GATA4: variants seen among roughly 807,000 people sequenced by gnomAD.
GATA4 encodes the protein GATA binding protein 4.
Under a neutral mutation model 37.9 loss-of-function variants are expected in GATA4, and 7 were observed. The ratio of observed to expected loss-of-function variants is 0.18; its 90% CI spans 0.11 to 0.35. GATA4 has a LOEUF of 0.35. GATA4 is among the 10% of genes least tolerant of loss of function. GATA4 has a pLI of 1.00. For missense variants in GATA4, 647 were observed against 653.0 expected (o/e 0.99, Z 0.10); for synonymous variants, 372 against 292.6 (o/e 1.27, Z -2.77).
At chr8:11,724,129 AG>A (rs1362233351) in intron 2 of GATA4, among the ~76,000 whole-genome samples, 1 of 152,132 alleles carries the variant, frequency 6.6e-6, no homozygotes, top group Admixed American at 6.5e-5. Context: ...GTAGCATGTC[AG>A]AATGCAGCAT....
At chr8:11,679,872 G>A (rs1263013784) in intron 1 of GATA4, among the ~76,000 whole-genome samples, 2 of 152,224 alleles carry the variant, frequency 1.3e-5, no homozygotes, top group East Asian at 1.9e-4. Flanking sequence ...ATGAGGAAGA[G>A]GGTAACAGTA....
At chr8:11,690,861 A>T (rs1161685377), upstream of GATA4, among the ~76,000 whole-genome samples, 1 of 152,190 alleles carries the variant, frequency 6.6e-6, no homozygotes, top group Non-Finnish European at 1.5e-5. Flanking sequence ...AAAGGGAAAC[A>T]CCCTGTCTGT....
At chr8:11,755,578 C>T (rs1312765615) in intron 5 of GATA4, among the ~76,000 whole-genome samples, 1 of 152,188 alleles carries the variant, frequency 6.6e-6, no homozygotes, top group African/African-American at 2.4e-5. Context: ...TAATTAACAT[C>T]ATGCAGTGCT....
intron 2 of GATA4, among the ~76,000 whole-genome samples, chr8:11,748,230 A>C (rs1458164151): frequency 6.6e-6 from 1 of 151,966 alleles, no homozygotes; most frequent in African/African-American, 2.4e-5. Flanking sequence ...AAAAGAGAAA[A>C]GAAGTCTCAC....
At position 11,758,817 on chromosome 8, in the gene GATA4, G is replaced by C. The variant is rs1802738886; in HGVS notation, c.*342G>C. ...TTTTGCATTGTGTTTCTAGCACCGAGGATCTGAGAACAAGCGGAGGGCCGG... is the reference window on the plus strand; with the variant it reads ...TTTTGCATTGTGTTTCTAGCACCGACGATCTGAGAACAAGCGGAGGGCCGG... On this transcript the variant is annotated 3_prime_UTR_variant, in exon 7 of 7. Coordinates refer to ENST00000532059, the MANE Select transcript of GATA4 (RefSeq NM_001308093.3). 3.3e-5 allele frequency: 12 copies of C among 368,422 alleles called. No homozygotes were observed. Among genetic ancestry groups the C allele is most frequent in the South Asian group, 2.8e-4 (12 of 42,346 alleles). 22.8% of individuals were successfully genotyped at this position (368,422 alleles called of 1,614,324 possible). A position where few individuals can be genotyped will look rare whatever the true frequency, so the allele number is the denominator to read the frequency against.
intron 2 of GATA4, among the ~76,000 whole-genome samples, chr8:11,743,752 G>T (rs1289088452): frequency 6.6e-6 from 1 of 152,232 alleles, no homozygotes; most frequent in Non-Finnish European, 1.5e-5. Flanking sequence ...GAAGTCAGGG[G>T]TGGGATGTTT....
At chr8:11,724,478 A>G (rs1183800290) in intron 2 of GATA4, among the ~76,000 whole-genome samples, 1 of 152,088 alleles carries the variant, frequency 6.6e-6, no homozygotes, top group Non-Finnish European at 1.5e-5. Context: ...AACATCTCCA[A>G]CGTAATTCTT....
At chr8:11,713,257 T>G (rs1213598901) in intron 2 of GATA4, among the ~76,000 whole-genome samples, 1 of 152,224 alleles carries the variant, frequency 6.6e-6, no homozygotes, top group Non-Finnish European at 1.5e-5. Context: ...AAGTTCCATA[T>G]GAGCTACGAC....
At chr8:11,716,515 A>G (rs1800438515) in intron 2 of GATA4, among the ~76,000 whole-genome samples, 1 of 152,154 alleles carries the variant, frequency 6.6e-6, no homozygotes, top group Admixed American at 6.5e-5. Context: ...TTGGCTTTTG[A>G]TTTTGCTTAT....
chr8:11,752,154 A>G (rs1802333738), intron 4 of GATA4, among the ~76,000 whole-genome samples: 1 of 152,214 alleles, frequency 6.6e-6, no homozygotes, highest in Admixed American at 6.5e-5. Flanking sequence ...GAAAAAGCAC[A>G]TTGCAAAGAA....
Position 11,707,947 on chromosome 8 carries a change from G to T in GATA4, c.-366G>T. 9.0e-6 allele frequency: 3 copies of T among 332,002 alleles called. No individual in the cohort carries two copies. The highest frequency in any genetic ancestry group is 1.1e-3 in the Middle Eastern group (1 of 934). 20.6% of individuals were successfully genotyped at this position (332,002 alleles called of 1,614,324 possible). A position where few individuals can be genotyped will look rare whatever the true frequency, so the allele number is the denominator to read the frequency against. On this transcript the variant is annotated 5_prime_UTR_variant, in exon 2 of 7. Transcript: ENST00000532059. This position sits in a 1 kb window ranked among gnomAD's most constrained non-coding sequence, Gnocchi z 4.7. ...CTGGAGGCCTCTCGGTGTGACGAGT[G>T]GGGGACCCGAAGGCTCGTGCGCCAC...
intron 2 of GATA4, among the ~76,000 whole-genome samples, chr8:11,735,841 G>A (rs1248342588): frequency 6.6e-6 from 1 of 152,082 alleles, no homozygotes; most frequent in Non-Finnish European, 1.5e-5. Flanking sequence ...GATTACAGGC[G>A]TGAGCCACCG....
At chr8:11,729,186 G>A (rs1489245959) in intron 2 of GATA4, among the ~76,000 whole-genome samples, 1 of 152,162 alleles carries the variant, frequency 6.6e-6, no homozygotes, top group Non-Finnish European at 1.5e-5. Flanking sequence ...TCGTGCCACT[G>A]CACTCCAGCC....
intron 2 of GATA4, among the ~76,000 whole-genome samples, chr8:11,726,146 T>A (rs549034194): frequency 6.6e-6 from 1 of 152,288 alleles, no homozygotes; most frequent in African/African-American, 2.4e-5. Context: ...CCGGAATCCA[T>A]CCTGAAGCAT....
Position 11,708,534 on chromosome 8 carries a change from C to A in GATA4, c.222C>A (p.Ala74=), listed in dbSNP as rs1800004514. Residue 74 remains alanine, a synonymous_variant, in exon 2 of 7, where the codon GCC becomes GCA. Transcript: ENST00000532059. The surrounding 1 kb of genome is among the most constrained non-coding windows in gnomAD (Gnocchi z 6.7). ...CCTCGGGCGGCAGCTCCGGTGGGGCCGCGTCTGGTGCGGGGCCCGGGACCC... is the reference window on the plus strand; with the variant it reads ...CCTCGGGCGGCAGCTCCGGTGGGGCAGCGTCTGGTGCGGGGCCCGGGACCC... ...GGASGGSSGG[A]ASGAGPGTQQ... 13 of 1,443,890 alleles carry A rather than the reference C, an allele frequency of 9.0e-6. No homozygotes were observed. The highest frequency in any genetic ancestry group is 1.2e-5 in the Non-Finnish European group (13 of 1,105,820). 89.4% of individuals were successfully genotyped at this position (1,443,890 alleles called of 1,614,324 possible). A position where few individuals can be genotyped will look rare whatever the true frequency, so the allele number is the denominator to read the frequency against.
At chr8:11,714,453 G>A (rs926332342) in intron 2 of GATA4, among the ~76,000 whole-genome samples, 7 of 152,180 alleles carry the variant, frequency 4.6e-5, no homozygotes, top group South Asian at 4.1e-4. Context: ...TTTCAAAGCC[G>A]GTTCATTTGT....
chr8:11,712,553 AAAAG>A (rs1172068096), intron 2 of GATA4, among the ~76,000 whole-genome samples: 7 of 152,230 alleles, frequency 4.6e-5, no homozygotes, highest in African/African-American at 9.6e-5. Context: ...TATAGGAAAA[AAAAG>A]AAAGACAAAG....
intron 1 of GATA4, among the ~76,000 whole-genome samples, chr8:11,705,176 C>G (rs1279732523): frequency 2.0e-5 from 3 of 152,184 alleles, no homozygotes; most frequent in Non-Finnish European, 2.9e-5. Context: ...TGGGGCAGCG[C>G]GGCCCGCACC....
intron 2 of GATA4, among the ~76,000 whole-genome samples, chr8:11,734,093 C>G (rs563238157): frequency 6.6e-4 from 100 of 152,296 alleles, no homozygotes; most frequent in Non-Finnish European, 1.1e-3. Context: ...AGCATAACAG[C>G]TTAAACAGCA....
Sources: gnomAD v4.1 joint callset for allele counts (sites outside exome capture counted in the v4.1 genomes callset) on GRCh38, gnomAD v4.1.1 for gene constraint, Gnocchi (gnomAD v3.1) non-coding constraint, MANE v1.5 for transcripts, NCBI Gene and HGNC (gene_info 2026-07-23, HGNC 2026-07-21) for gene names.